The following UNC5A variants were observed in gnomAD, a reference collection of about 807,000 sequenced individuals.
UNC5A encodes netrin receptor UNC5A.
UNC5A carries 20 observed loss-of-function variants against 87.4 expected under a neutral mutation model. That is an observed-to-expected ratio of 0.23 (90% CI 0.16 to 0.33). The LOEUF is 0.33. Ranked by LOEUF, UNC5A falls within the 10% of genes least tolerant of loss-of-function variation. The pLI is 1.00. For missense variants in UNC5A, 844 were observed against 1,133.4 expected, an observed-to-expected ratio of 0.74 and a Z score of 3.67; for synonymous variants, 438 against 482.3, an observed-to-expected ratio of 0.91 and a Z score of 1.20.
chr5:176,830,637 C>G (rs1339088409), intron 1 of UNC5A, among the ~76,000 whole-genome samples: 1 of 93,450 alleles, frequency 1.1e-5, no homozygotes, highest in African/African-American at 4.4e-5. Flanking sequence ...TGTGTGTGCG[C>G]TGGCGTGTGC....
In UNC5A at chr5:176,829,881, C is replaced by CTTTTTTTTTTTTTTTTTTTTTTTT. The variant is rs70991576; in HGVS notation, c.70+19072_70+19073insTTTTTTTTTTTTTTTTTTTTTTTT. On this transcript the variant is annotated intron_variant, in intron 1 of 14. Transcript: ENST00000329542. ...CCCTCTCACTTCCACATCACTGCTC[C>CTTTTTTTTTTTTTTTTTTTTTTTT]TTTTTTTTTTTGAGATGGAATCTTG... Among the ~76,000 whole-genome samples the CTTTTTTTTTTTTTTTTTTTTTTTT allele has an allele frequency of 2.9e-4, 25 of 87,356 alleles. 2 individuals are homozygous for CTTTTTTTTTTTTTTTTTTTTTTTT. Among genetic ancestry groups the CTTTTTTTTTTTTTTTTTTTTTTTT allele is most frequent in the African/African-American group, 7.2e-4 (22 of 30,528 alleles). The allele number at this position is 87,356 out of a possible 152,430, so 57.3% of individuals were successfully genotyped here.
intron 1 of UNC5A, among the ~76,000 whole-genome samples, chr5:176,829,718 G>T (rs1371952597): frequency 6.6e-6 from 1 of 151,964 alleles, no homozygotes; most frequent in Non-Finnish European, 1.5e-5. Flanking sequence ...AGACTCCCTT[G>T]CCATATTGGG....
intron 1 of UNC5A, among the ~76,000 whole-genome samples, chr5:176,850,144 CTTTAATTTTGA>C (rs1468153068): frequency 6.6e-6 from 1 of 152,222 alleles, no homozygotes; most frequent in Non-Finnish European, 1.5e-5. Context: ...GAGGCAACAT[CTTTAATTTTGA>C]ATGAACAGGG....
chr5:176,810,919 C>T lies in UNC5A; in HGVS notation c.70+99C>T, dbSNP rs902259627. The T allele has an allele frequency of 9.2e-7, 1 of 1,083,678 alleles. No homozygotes were observed. The highest frequency in any genetic ancestry group is 1.7e-5 in the African/African-American group (1 of 60,056). 67.1% of individuals were successfully genotyped at this position (1,083,678 alleles called of 1,614,324 possible). A position where few individuals can be genotyped will look rare whatever the true frequency, so the allele number is the denominator to read the frequency against. On this transcript the variant is annotated intron_variant, in intron 1 of 14. Transcript: ENST00000329542. The surrounding 1 kb of genome is among the most constrained non-coding windows in gnomAD (Gnocchi z 7.3). ...CCCTGACCAGCGCTGCCAGACCCGG[C>T]TGGGAGCCCCCCGAGGCCAAACTTT...
chr5:176,870,447 T>C lies in UNC5A; in HGVS notation c.799T>C (p.Ser267Pro). 2 of 1,612,136 alleles carry C rather than the reference T, an allele frequency of 1.2e-6. No individual in the cohort carries two copies. The highest frequency in any genetic ancestry group is 1.7e-6 in the Non-Finnish European group (2 of 1,179,410). The change falls in exon 6 of 15, where the codon TCT (serine) becomes CCT (proline). Residue 267 changes from serine (S) to proline (P), a missense_variant. This residue lies in a region of UNC5A where 314 missense variants were observed against 466.5 expected (regional missense o/e 0.67). Coordinates refer to ENST00000329542, the MANE Select transcript of UNC5A (RefSeq NM_133369.3). ...DCTHWRSREC[S>P]DPAPRNGGEE... The stretch of plus-strand genomic sequence containing the variant: ...CACCCACTGGCGGAGCCGTGAGTGC[T>C]CTGACCCAGCACCCCGCAACGGAGG...
intron 1 of UNC5A, among the ~76,000 whole-genome samples, chr5:176,830,810 G>C (rs1581249109): frequency 6.7e-6 from 1 of 149,326 alleles, no homozygotes; most frequent in African/African-American, 2.5e-5. Flanking sequence ...GTGTGTGTGC[G>C]TGTGTGTGCG....
intron 1 of UNC5A, among the ~76,000 whole-genome samples, chr5:176,819,394 G>A (rs1159669247): frequency 1.3e-5 from 2 of 152,156 alleles, no homozygotes; most frequent in Non-Finnish European, 2.9e-5. Flanking sequence ...GAAGAAGAAG[G>A]AGACCATAAT....
intron 2 of UNC5A, among the ~76,000 whole-genome samples, chr5:176,867,101 G>A (rs1023779027): frequency 6.6e-6 from 1 of 152,192 alleles, no homozygotes; most frequent in Non-Finnish European, 1.5e-5. Flanking sequence ...ATTGAATTTC[G>A]CTGTTAACAA....
chr5:176,876,581 G>A (rs768839253), intron 8 of UNC5A, among the ~76,000 whole-genome samples: 2 of 152,208 alleles, frequency 1.3e-5, no homozygotes, highest in African/African-American at 2.4e-5. Flanking sequence ...CCTCCAAGAC[G>A]TTGGAGCAGA....
chr5:176,824,861 C>A lies in UNC5A; in HGVS notation c.70+14041C>A, dbSNP rs983054725. ...CACTCTCACCACTCCGTATCCCCCA[C>A]CCCATGCACCCCCAGTGCCTGCGCA... On this transcript the variant is annotated intron_variant, in intron 1 of 14. Transcript: ENST00000329542. This position sits in a 1 kb window ranked among gnomAD's most constrained non-coding sequence, Gnocchi z 4.2. Among the ~76,000 whole-genome samples the A allele has an allele frequency of 2.0e-5, 3 of 151,094 alleles. No individual in the cohort carries two copies. Among genetic ancestry groups the A allele is most frequent in the African/African-American group, 7.3e-5 (3 of 41,030 alleles).
chr5:176,815,818 G>A (rs930166955), intron 1 of UNC5A, among the ~76,000 whole-genome samples: 3 of 152,086 alleles, frequency 2.0e-5, no homozygotes, highest in African/African-American at 4.8e-5. Context: ...CCCCTCCCCC[G>A]CCATTGACAC....
At chr5:176,823,054 A>G (rs1463321294) in intron 1 of UNC5A, among the ~76,000 whole-genome samples, 1 of 152,028 alleles carries the variant, frequency 6.6e-6, no homozygotes, top group Non-Finnish European at 1.5e-5. Context: ...TGCCGTGGTC[A>G]TCCAGGCAAG....
Position 176,868,155 on chromosome 5 carries a change from T to C in UNC5A, c.318T>C (p.Ile106=). ...SSGLPTMEVR[I]NVSRQQVEKV... ...GGCTGCCCACCATGGAGGTCCGCAT[T>C]AATGTCTCAAGGCAGCAGGTCGAGA... The change falls in exon 3 of 15, where the codon ATT becomes ATC. Residue 106 remains isoleucine, a synonymous_variant. Coordinates refer to ENST00000329542, the MANE Select transcript of UNC5A (RefSeq NM_133369.3). 2 of 1,612,908 alleles carry C rather than the reference T, an allele frequency of 1.2e-6. No homozygotes were observed. Among genetic ancestry groups the C allele is most frequent in the Non-Finnish European group, 1.7e-6 (2 of 1,179,748 alleles).
intron 1 of UNC5A, among the ~76,000 whole-genome samples, chr5:176,827,079 T>C (rs1160356358): frequency 6.6e-6 from 1 of 152,134 alleles, no homozygotes; most frequent in Non-Finnish European, 1.5e-5. Flanking sequence ...AATGGAATCA[T>C]GTAATTTGTG....
At position 176,878,088 on chromosome 5, in the gene UNC5A, C is replaced by A. The variant is rs1475333192; in HGVS notation, c.1830C>A (p.Ile610=). The change falls in exon 11 of 15, where the codon ATC becomes ATA. Residue 610 remains isoleucine (I), a synonymous_variant. Transcript: ENST00000329542. Reference sequence around the variant, plus strand: ...CCTGCACCTCCCTCGAGTACAACATCCGGGTCTACTGCCTGCATGACACCC... The same window carrying A: ...CCTGCACCTCCCTCGAGTACAACATACGGGTCTACTGCCTGCATGACACCC... The part of the protein sequence containing the change: ...PVACTSLEYN[I]RVYCLHDTHD... The A allele has an allele frequency of 6.2e-7, 1 of 1,609,686 alleles. No individual in the cohort carries two copies.
chr5:176,834,671 C>A (rs1040578990), intron 1 of UNC5A, among the ~76,000 whole-genome samples: 8 of 141,628 alleles, frequency 5.6e-5, no homozygotes, highest in Non-Finnish European at 1.2e-4. Flanking sequence ...CGTCTTCTCT[C>A]TCTCTCTCTC....
chr5:176,866,624 C>T lies in UNC5A; in HGVS notation c.293-1506C>T, dbSNP rs1757982585. On this transcript the variant is annotated intron_variant, in intron 2 of 14. Coordinates refer to ENST00000329542, the MANE Select transcript of UNC5A (RefSeq NM_133369.3). This position sits in a 1 kb window ranked among gnomAD's most constrained non-coding sequence, Gnocchi z 5.0. The stretch of plus-strand genomic sequence containing the variant: ...TTCAGAATGTTCTGGAGGTCTCCCA[C>T]CCCTAACCCCCAAGGCAGAGAGGAT... Among the ~76,000 whole-genome samples the T allele has an allele frequency of 6.6e-6, 1 of 152,160 alleles. No homozygotes were observed. Among genetic ancestry groups the T allele is most frequent in the Non-Finnish European group, 1.5e-5 (1 of 68,016 alleles).
At chr5:176,833,787 C>T (rs1757081622) in intron 1 of UNC5A, among the ~76,000 whole-genome samples, 1 of 151,410 alleles carries the variant, frequency 6.6e-6, no homozygotes, top group South Asian at 2.1e-4. Context: ...CCGCTCACTG[C>T]AAGCTCCACC....
At chr5:176,816,588 C>A (rs1756593837) in intron 1 of UNC5A, among the ~76,000 whole-genome samples, 1 of 152,280 alleles carries the variant, frequency 6.6e-6, no homozygotes, top group African/African-American at 2.4e-5. Context: ...TGCCTAGGCA[C>A]AAAGGTAGGG....
Sources: allele counts gnomAD v4.1 joint callset (sites outside exome capture counted in the v4.1 genomes callset), GRCh38; gene constraint gnomAD v4.1.1; regional missense constraint gnomAD v4.1.1; non-coding constraint Gnocchi (gnomAD v3.1); transcripts MANE v1.5; gene names NCBI Gene and HGNC (gene_info 2026-07-23, HGNC 2026-07-21).